The following SH3RF3 variants were observed in gnomAD, a reference collection of about 807,000 sequenced individuals.
The protein encoded by SH3RF3 is SH3 domain containing ring finger 3, also known as E3 ubiquitin-protein ligase SH3RF3.
A neutral mutation model predicts 66.3 loss-of-function variants in SH3RF3; 29 were observed. The observed-to-expected ratio is 0.44, with a 90% confidence interval of 0.33 to 0.60. The LOEUF (loss-of-function observed/expected upper bound fraction) is 0.60. Among genes scored for constraint, SH3RF3 ranks in the 20% least tolerant of loss-of-function variants. The pLI is 0.04. For synonymous variants in SH3RF3, 583 were observed against 532.0 expected, an observed-to-expected ratio of 1.10 and a Z score of -1.32; for missense variants, 1,194 against 1,190.9, an observed-to-expected ratio of 1.00 and a Z score of -0.04.
chr2:109,339,649 G>A (rs983707951), intron 1 of SH3RF3, among the ~76,000 whole-genome samples: 1 of 152,218 alleles, frequency 6.6e-6, no homozygotes, highest in Non-Finnish European at 1.5e-5. Flanking sequence ...GGATCAAGGA[G>A]CACTTTTCAA....
intron 8 of SH3RF3, among the ~76,000 whole-genome samples, chr2:109,459,578 C>T (rs1042278133): frequency 1.3e-5 from 2 of 152,176 alleles, no homozygotes; most frequent in Non-Finnish European, 2.9e-5. Context: ...ATGCTCTTGC[C>T]CATGTCCACT....
chr2:109,442,077 T>C (rs1677580805), intron 7 of SH3RF3, among the ~76,000 whole-genome samples: 1 of 152,134 alleles, frequency 6.6e-6, no homozygotes, highest in African/African-American at 2.4e-5. Flanking sequence ...TTTGGGAGGC[T>C]GAGACGGGTG....
chr2:109,202,607 A>G (rs1309495918), intron 1 of SH3RF3, among the ~76,000 whole-genome samples: 3 of 152,102 alleles, frequency 2.0e-5, no homozygotes, highest in Non-Finnish European at 4.4e-5. Context: ...TTTTCAGAGC[A>G]TAGAGGGTGA....
intron 1 of SH3RF3, among the ~76,000 whole-genome samples, chr2:109,341,082 TTTCATCAATTC>T (rs1374718752): frequency 6.6e-6 from 1 of 152,188 alleles, no homozygotes; most frequent in African/African-American, 2.4e-5. Context: ...CTTTGTCTTA[TTTCATCAATTC>T]TTCATCAATT....
At chr2:109,397,222 C>T (rs796633106) in intron 3 of SH3RF3, among the ~76,000 whole-genome samples, 6 of 152,286 alleles carry the variant, frequency 3.9e-5, no homozygotes, top group Non-Finnish European at 7.3e-5. Flanking sequence ...AGACAGCTCC[C>T]GCTTCCTCCT....
In SH3RF3 at chr2:109,249,536, C is replaced by CTTTCTTTCT. The variant is rs1273437959; in HGVS notation, c.574-98136_574-98135insTCTTTCTTT. On this transcript the variant is annotated intron_variant, in intron 1 of 9. Transcript: ENST00000309415. ...TTCTTTCTTTTTCTTTCTTTCTTTC[C>CTTTCTTTCT]TTCCTTCCTTCCTTCCTTCCTTCCT... Among the ~76,000 whole-genome samples the CTTTCTTTCT allele has an allele frequency of 4.2e-3, 314 of 74,030 alleles. 1 individual carries two copies. Among genetic ancestry groups the CTTTCTTTCT allele is most frequent in the Middle Eastern group, 6.3e-3 (1 of 160 alleles). 48.6% of individuals were successfully genotyped at this position (74,030 alleles called of 152,430 possible). A position where few individuals can be genotyped will look rare whatever the true frequency, so the allele number is the denominator to read the frequency against.
intron 1 of SH3RF3, among the ~76,000 whole-genome samples, chr2:109,214,387 TAG>T (rs1024289043): frequency 3.3e-5 from 5 of 150,578 alleles, no homozygotes; most frequent in African/African-American, 7.4e-5. Context: ...GTGTGCTGTG[TAG>T]AGAGTTCTTG....
chr2:109,443,189 T>C (rs1044774503), intron 7 of SH3RF3, among the ~76,000 whole-genome samples: 1 of 152,264 alleles, frequency 6.6e-6, no homozygotes, highest in Non-Finnish European at 1.5e-5. Context: ...TTCTAGTAGA[T>C]TCTATTTTAT....
chr2:109,309,437 C>T (rs1476546397), intron 1 of SH3RF3, among the ~76,000 whole-genome samples: 4 of 131,512 alleles, frequency 3.0e-5, no homozygotes, highest in Admixed American at 2.9e-4. Context: ...CAAGAAACTG[C>T]ATCAACTAAC....
rs567483043 is a variant in SH3RF3 at position 109,178,095 on chromosome 2, T to A, written c.573+47982T>A. On this transcript the variant is annotated intron_variant, in intron 1 of 9. Coordinates refer to ENST00000309415, the MANE Select transcript of SH3RF3 (RefSeq NM_001099289.3). Reference sequence around the variant, plus strand: ...AAGTCTACCCTAAAACTAAAAATATTTTCTCTTTCTATATCCATATCAATC... The same window carrying A: ...AAGTCTACCCTAAAACTAAAAATATATTCTCTTTCTATATCCATATCAATC... Among the ~76,000 whole-genome samples the A allele has an allele frequency of 5.8e-4, 88 of 152,320 alleles. 1 individual carries two copies. Among genetic ancestry groups the A allele is most frequent in the African/African-American group, 2.0e-3 (83 of 41,578 alleles).
At chr2:109,203,625 C>T (rs979837228) in intron 1 of SH3RF3, among the ~76,000 whole-genome samples, 7 of 152,100 alleles carry the variant, frequency 4.6e-5, no homozygotes, top group Non-Finnish European at 8.8e-5. Context: ...CGACAAGCAT[C>T]GTGGCCCTGT....
Position 109,436,898 on chromosome 2 carries a change from C to T in SH3RF3, c.1580C>T (p.Pro527Leu). 6.2e-7 allele frequency: 1 copy of T among 1,613,230 alleles called. No homozygotes were observed. The highest frequency in any genetic ancestry group is 1.1e-5 in the South Asian group (1 of 91,068). The change falls in exon 7 of 10, where the codon CCT (proline) becomes CTT (leucine). Residue 527 changes from proline (P) to leucine (L), a missense_variant. Transcript: ENST00000309415. ...CTTCTGCTTTCTCTCCACAGGGTGC[C>T]TGCAGGAGGGGCAGGGCCGCCCCGG... ...GNYVTPVSRVPAGGAGPPRNN... is the reference protein window; with the variant it reads ...GNYVTPVSRVLAGGAGPPRNN...
At chr2:109,198,648 G>A (rs1212315864) in intron 1 of SH3RF3, among the ~76,000 whole-genome samples, 1 of 152,212 alleles carries the variant, frequency 6.6e-6, no homozygotes, top group African/African-American at 2.4e-5. Context: ...GACAGCCAGT[G>A]TCTTGCTCCT....
At chr2:109,158,521 G>C (rs6723487) in intron 1 of SH3RF3, among the ~76,000 whole-genome samples, 123,822 of 152,092 alleles carry the variant, frequency 0.81, 50,558 homozygotes, top group East Asian at 0.89. Context: ...GGCTGGGGGA[G>C]CTGGATGGTG....
chr2:109,249,470 T>TTTCGTTCG (rs1491144320), intron 1 of SH3RF3, among the ~76,000 whole-genome samples: 9 of 16,068 alleles, frequency 5.6e-4, no homozygotes, highest in African/African-American at 4.3e-3. Flanking sequence ...TCTCTTTCTC[T>TTTCGTTCG]TTCTTTCTTT....
intron 8 of SH3RF3, among the ~76,000 whole-genome samples, chr2:109,479,994 G>A (rs375174720): frequency 2.0e-5 from 3 of 152,152 alleles, no homozygotes; most frequent in African/African-American, 4.8e-5. Context: ...CTGAGGCCAC[G>A]CGTCATCACA....
chr2:109,315,490 A>G lies in SH3RF3; in HGVS notation c.574-32184A>G, dbSNP rs189121196. Among the ~76,000 whole-genome samples, 104 of 152,376 alleles carry G rather than the reference A, an allele frequency of 6.8e-4. 1 individual carries two copies. The highest frequency in any genetic ancestry group is 2.3e-3 in the African/African-American group (97 of 41,586). ...TGCTTTTACTAAGAGGCAGTAAGGA[A>G]CTGTCTCAGTATGAAAATGTGCATA... On this transcript the variant is annotated intron_variant, in intron 1 of 9. Transcript: ENST00000309415.
intron 1 of SH3RF3, among the ~76,000 whole-genome samples, chr2:109,286,125 C>T (rs1681024417): frequency 6.6e-6 from 1 of 152,148 alleles, no homozygotes; most frequent in Non-Finnish European, 1.5e-5. Context: ...ACCCTGCAGG[C>T]CTGGTGCTTT....
intron 1 of SH3RF3, among the ~76,000 whole-genome samples, chr2:109,171,770 C>T (rs780747934): frequency 4.6e-5 from 7 of 152,240 alleles, no homozygotes; most frequent in East Asian, 1.9e-4. Flanking sequence ...GGCTCCCTGC[C>T]GTGCATCCCG....
Sources: allele counts gnomAD v4.1 joint callset (sites outside exome capture counted in the v4.1 genomes callset), GRCh38; gene constraint gnomAD v4.1.1; transcripts MANE v1.5; gene names NCBI Gene and HGNC (gene_info 2026-07-23, HGNC 2026-07-21).